The following DAGLA variants were observed in gnomAD, a reference collection of about 807,000 sequenced individuals.
DAGLA encodes the protein diacylglycerol lipase alpha.
A neutral mutation model predicts 102.6 loss-of-function variants in DAGLA; 22 were observed. That is an observed-to-expected ratio of 0.21 (90% CI 0.15 to 0.31). The LOEUF (loss-of-function observed/expected upper bound fraction) is 0.31, where lower values mean the gene tolerates loss of function less well. Ranked by LOEUF, DAGLA falls within the 10% of genes least tolerant of loss-of-function variation. The pLI is 1.00. For missense variants in DAGLA, 927 were observed against 1,446.6 expected (o/e 0.64, Z 5.83); for synonymous variants, 578 against 628.9 (o/e 0.92, Z 1.21).
At chr11:61,725,913 G>T in intron 5 of DAGLA, 82 bp from the exon 6 acceptor site, 1 of 1,294,786 alleles carries the variant, frequency 7.7e-7, no homozygotes, top group Non-Finnish European at 1.1e-6. Context: ...GGAACAGCCT[G>T]CCCTGTTTCC....
intron 8 of DAGLA, 53 bp downstream of exon 8, chr11:61,729,061 C>A: frequency 6.6e-7 from 1 of 1,505,618 alleles, no homozygotes. Context: ...TCCCACTCTG[C>A]CACAATGACC....
intron 9 of DAGLA, 90 bp downstream of exon 9, chr11:61,731,531 G>T (rs2065375171): frequency 6.5e-7 from 1 of 1,528,764 alleles, no homozygotes; most frequent in Non-Finnish European, 8.9e-7. Context: ...CTACTGCTTT[G>T]CCCTGAATGG....
chr11:61,718,930 T>C (rs2065259775), intron 1 of DAGLA, among the ~76,000 whole-genome samples: 2 of 152,106 alleles, frequency 1.3e-5, no homozygotes, highest in South Asian at 4.1e-4. Context: ...GATGCCGGGC[T>C]CCTCGGACAC....
chr11:61,690,675 G>A (rs187435526), intron 1 of DAGLA, among the ~76,000 whole-genome samples: 43 of 152,298 alleles, frequency 2.8e-4, no homozygotes, highest in Admixed American at 1.7e-3. Flanking sequence ...TAGAGGCTGC[G>A]TGTTTGTAGC....
chr11:61,728,234 C>T lies in DAGLA; in HGVS notation c.718C>T (p.Leu240=). ...TGTGCCATCCGACATCATTGCTGGC[C>T]TGGTGCTGCTCCGGCAGCGGCAGCG... ...DIVPSDIIAG[L]VLLRQRQRAK... The change falls in exon 7 of 20, where the codon CTG becomes TTG. Residue 240 remains leucine (L), a synonymous_variant. Transcript: ENST00000257215. 3.1e-6 allele frequency: 5 copies of T among 1,614,060 alleles called. No individual in the cohort carries two copies. Among genetic ancestry groups the T allele is most frequent in the Non-Finnish European group, 4.2e-6 (5 of 1,180,012 alleles).
intron 1 of DAGLA, among the ~76,000 whole-genome samples, chr11:61,698,823 G>A (rs753828069): frequency 1.8e-4 from 27 of 152,360 alleles, no homozygotes; most frequent in Non-Finnish European, 3.2e-4. Context: ...AATGGAGGGG[G>A]CACTGATTAG....
At chr11:61,703,343 G>A (rs753867638) in intron 1 of DAGLA, among the ~76,000 whole-genome samples, 4 of 151,998 alleles carry the variant, frequency 2.6e-5, no homozygotes, top group Non-Finnish European at 4.4e-5. Context: ...TGATGGGGGC[G>A]CTTGGGGTAC....
At chr11:61,690,763 T>C (rs2065017079) in intron 1 of DAGLA, among the ~76,000 whole-genome samples, 1 of 152,100 alleles carries the variant, frequency 6.6e-6, no homozygotes, top group Non-Finnish European at 1.5e-5. Flanking sequence ...GGTTTGGGGA[T>C]TCTGTGAGCC....
intron 1 of DAGLA, among the ~76,000 whole-genome samples, chr11:61,718,035 A>C (rs778849380): frequency 6.6e-6 from 1 of 152,102 alleles, no homozygotes; most frequent in African/African-American, 2.4e-5. Context: ...AGTGTTAGCT[A>C]TCCTGGGTTC....
intron 5 of DAGLA, among the ~76,000 whole-genome samples, chr11:61,725,651 C>A (rs895702959): frequency 1.3e-5 from 2 of 152,200 alleles, no homozygotes; most frequent in African/African-American, 4.8e-5. Context: ...CCACTTAGGG[C>A]TCCCAGCTCT....
rs1310368790 is a variant in DAGLA, at chr11:61,720,180, C to T, written c.25C>T (p.Arg9Trp). ...CATGCCCGGGATCGTGGTGTTCCGG[C>T]GGCGCTGGTCTGTGGGCAGTGATGA... Reference protein sequence around the residue: MPGIVVFRRRWSVGSDDLV... With the variant: MPGIVVFRWRWSVGSDDLV... Residue 9 changes from arginine to tryptophan, a missense_variant, in exon 2 of 20, where the codon CGG (arginine) becomes TGG (tryptophan). Physicochemically the swap from Arg to Trp is moderately radical, Grantham distance 101 (BLOSUM62 -3). Transcript: ENST00000257215. The T allele has an allele frequency of 6.2e-7, 1 of 1,613,454 alleles. No homozygotes were observed. The highest frequency in any genetic ancestry group is 1.1e-5 in the South Asian group (1 of 91,074).
intron 2 of DAGLA, 126 bp downstream of exon 2, chr11:61,720,376 G>A (rs531934014): frequency 2.6e-5 from 24 of 934,428 alleles, no homozygotes; most frequent in Middle Eastern, 3.0e-4. Flanking sequence ...CCAGCTGCCC[G>A]GAGGAGGTGC....
At chr11:61,691,780 G>A (rs1275583394) in intron 1 of DAGLA, among the ~76,000 whole-genome samples, 1 of 152,256 alleles carries the variant, frequency 6.6e-6, no homozygotes. Context: ...AGGCCAGACG[G>A]TCTGGCTGCC....
At chr11:61,738,987 C>T (rs1432537862) in intron 16 of DAGLA, among the ~76,000 whole-genome samples, 1 of 152,220 alleles carries the variant, frequency 6.6e-6, no homozygotes, top group East Asian at 1.9e-4. Context: ...CTTTGTGGGA[C>T]TTTGCCTGCC....
At chr11:61,710,028 G>A (rs991052006) in intron 1 of DAGLA, among the ~76,000 whole-genome samples, 1 of 152,200 alleles carries the variant, frequency 6.6e-6, no homozygotes, top group Non-Finnish European at 1.5e-5. Context: ...GGGCAAGGGG[G>A]CGGGGGCCCC....
At chr11:61,683,151 C>T (rs2064958603) in intron 1 of DAGLA, among the ~76,000 whole-genome samples, 1 of 152,224 alleles carries the variant, frequency 6.6e-6, no homozygotes, top group Non-Finnish European at 1.5e-5. Context: ...GGGTGTCTGC[C>T]TTAGCCAGCA....
In DAGLA at chr11:61,739,459, G is replaced by A. The variant is rs375839257; in HGVS notation, c.1657-6G>A. On this transcript the variant is annotated splice_polypyrimidine_tract_variant and splice_region_variant and intron_variant, in intron 16 of 19. Coordinates refer to ENST00000257215, the MANE Select transcript of DAGLA (RefSeq NM_006133.3). Reference sequence around the variant, plus strand: ...GTCCCCATCTCTCCCACTCCACCCCGCGCAGTGGCGGATCATCGTGGGGGC... The same window carrying A: ...GTCCCCATCTCTCCCACTCCACCCCACGCAGTGGCGGATCATCGTGGGGGC... The A allele has an allele frequency of 3.8e-5, 60 of 1,588,114 alleles. No individual in the cohort carries two copies. Among genetic ancestry groups the A allele is most frequent in the African/African-American group, 1.6e-4 (12 of 72,804 alleles).
chr11:61,735,041 G>C (rs2065411972), intron 10 of DAGLA, 39 bp downstream of exon 10: 1 of 1,601,176 alleles, frequency 6.2e-7, no homozygotes, highest in Non-Finnish European at 8.5e-7. Flanking sequence ...GTCAGGAGCA[G>C]GCAGCTGAGG....
intron 9 of DAGLA, among the ~76,000 whole-genome samples, chr11:61,733,527 C>G (rs1465477003): frequency 6.6e-6 from 1 of 152,246 alleles, no homozygotes; most frequent in Non-Finnish European, 1.5e-5. Context: ...AAAATCTCAG[C>G]TGTCATCCCG....
Sources: gnomAD v4.1 joint callset for allele counts (sites outside exome capture counted in the v4.1 genomes callset) on GRCh38, gnomAD v4.1.1 for gene constraint, MANE v1.5 for transcripts, NCBI Gene and HGNC (gene_info 2026-07-23, HGNC 2026-07-21) for gene names.